SOX6: variants seen among roughly 807,000 people sequenced by gnomAD.
SOX6 encodes the protein SRY-box transcription factor 6.
SOX6 carries 11 observed loss-of-function variants against 97.8 expected under a neutral mutation model. The ratio of observed to expected loss-of-function variants is 0.11; its 90% CI spans 0.07 to 0.19. SOX6 has a LOEUF of 0.19. SOX6 is among the 10% of genes least tolerant of loss of function. SOX6 has a pLI of 1.00. For synonymous variants in SOX6, 360 were observed against 371.4 expected (o/e 0.97, Z 0.35); for missense variants, 810 against 1,039.5 (o/e 0.78, Z 3.04).
chr11:16,012,844 G>A (rs543479188), intron 13 of SOX6, among the ~76,000 whole-genome samples: 126 of 152,072 alleles, frequency 8.3e-4, no homozygotes, highest in Admixed American at 1.9e-3. Flanking sequence ...GAGAAAATGT[G>A]GGTAAAAGGC....
At chr11:16,359,112 A>G (rs1338446740), upstream of SOX6, among the ~76,000 whole-genome samples, 2 of 152,134 alleles carry the variant, frequency 1.3e-5, no homozygotes, top group Non-Finnish European at 2.9e-5. Context: ...GCCCAGAAGA[A>G]GGAACAAATA....
intron 4 of SOX6, among the ~76,000 whole-genome samples, chr11:16,483,879 G>A (rs1176913068): frequency 6.6e-6 from 1 of 152,164 alleles, no homozygotes; most frequent in Non-Finnish European, 1.5e-5. Context: ...CTCAGCAAAT[G>A]CATTCTGGTG....
chr11:16,640,265 G>T (rs11024005), intron 3 of SOX6, among the ~76,000 whole-genome samples: 6 of 151,960 alleles, frequency 3.9e-5, no homozygotes, highest in Non-Finnish European at 8.8e-5. Context: ...AAAGCCCACT[G>T]GATCATGGTG....
chr11:16,190,514 G>A (rs1851601003), intron 4 of SOX6, among the ~76,000 whole-genome samples: 1 of 152,212 alleles, frequency 6.6e-6, no homozygotes, highest in Non-Finnish European at 1.5e-5. Context: ...ATCCACAGAT[G>A]ATATGAAGTA....
intron 3 of SOX6, among the ~76,000 whole-genome samples, chr11:16,625,815 C>A (rs1848616026): frequency 6.6e-6 from 1 of 152,206 alleles, no homozygotes; most frequent in Admixed American, 6.5e-5. Flanking sequence ...GCTCCACACC[C>A]TTTCCCTGTG....
chr11:16,479,440 G>GCTGT (rs1860305987), upstream of SOX6, among the ~76,000 whole-genome samples: 1 of 151,544 alleles, frequency 6.6e-6, no homozygotes, highest in Non-Finnish European at 1.5e-5. Flanking sequence ...TGAGACATGA[G>GCTGT]AATCACTTGA....
intron 13 of SOX6, among the ~76,000 whole-genome samples, chr11:16,000,347 C>T (rs1307166836): frequency 6.6e-6 from 1 of 152,130 alleles, no homozygotes; most frequent in Admixed American, 6.5e-5. Context: ...GTAGAGTATG[C>T]TTTGTTCTCT....
chr11:16,484,494 G>A, intron 4 of SOX6: 1 of 809,346 alleles, frequency 1.2e-6, no homozygotes, highest in Non-Finnish European at 2.2e-6. Context: ...AGCTTCTCCT[G>A]AATGGCCACC....
chr11:16,214,800 A>G (rs1385055598), intron 4 of SOX6, among the ~76,000 whole-genome samples: 3 of 135,086 alleles, frequency 2.2e-5, no homozygotes, highest in African/African-American at 8.5e-5. Flanking sequence ...CCCAAGCTGG[A>G]GTGAAGTGGC....
intron 1 of SOX6, among the ~76,000 whole-genome samples, chr11:16,397,272 T>C (rs886644366): frequency 6.6e-6 from 1 of 151,588 alleles, no homozygotes; most frequent in Non-Finnish European, 1.5e-5. Context: ...CTTATGTAAA[T>C]ACTTTTTAGT....
At chr11:16,150,964 T>C (rs1177618183) in intron 6 of SOX6, among the ~76,000 whole-genome samples, 1 of 152,168 alleles carries the variant, frequency 6.6e-6, no homozygotes, top group Non-Finnish European at 1.5e-5. Flanking sequence ...ACTGCTTCTT[T>C]TATTGGGAGG....
chr11:16,714,236 C>T (rs1183003864), intron 3 of SOX6, among the ~76,000 whole-genome samples: 2 of 151,842 alleles, frequency 1.3e-5, no homozygotes, highest in Middle Eastern at 6.8e-3. Flanking sequence ...AAATTATGTA[C>T]AGCATTGTTG....
intron 1 of SOX6, among the ~76,000 whole-genome samples, chr11:16,379,221 C>T (rs1317840788): frequency 6.6e-6 from 1 of 151,974 alleles, no homozygotes; most frequent in Non-Finnish European, 1.5e-5. Flanking sequence ...AATCCCAACA[C>T]TTTGGGAGGC....
At chr11:16,644,063 T>C (rs1239732151) in intron 3 of SOX6, among the ~76,000 whole-genome samples, 1 of 152,106 alleles carries the variant, frequency 6.6e-6, no homozygotes, top group Non-Finnish European at 1.5e-5. Flanking sequence ...ACCACTGACA[T>C]AGGGTCTCAT....
At chr11:16,001,508 T>A (rs139631230) in intron 13 of SOX6, among the ~76,000 whole-genome samples, 167 of 152,272 alleles carry the variant, frequency 1.1e-3, no homozygotes, top group African/African-American at 3.8e-3. Context: ...TTCAGCCTAG[T>A]ACATCACCCC....
intron 2 of SOX6, among the ~76,000 whole-genome samples, chr11:16,324,363 G>A (rs555366940): frequency 2.0e-5 from 3 of 152,070 alleles, no homozygotes; most frequent in Non-Finnish European, 4.4e-5. Context: ...CATACCTATT[G>A]AACATACTGT....
intron 1 of SOX6, among the ~76,000 whole-genome samples, chr11:16,362,768 G>A (rs1857241826): frequency 6.6e-6 from 1 of 152,042 alleles, no homozygotes; most frequent in African/African-American, 2.4e-5. Flanking sequence ...AAAATTTTCT[G>A]GGGAATCAAG....
At chr11:16,077,339 G>A (rs957827881) in intron 9 of SOX6, among the ~76,000 whole-genome samples, 1 of 152,156 alleles carries the variant, frequency 6.6e-6, no homozygotes, top group Non-Finnish European at 1.5e-5. Context: ...ACAGATACTG[G>A]TGTGGTTATA....
intron 1 of SOX6, among the ~76,000 whole-genome samples, chr11:16,410,632 C>T (rs1858786683): frequency 6.6e-6 from 1 of 151,604 alleles, no homozygotes; most frequent in Non-Finnish European, 1.5e-5. Flanking sequence ...GTGGTGTGCG[C>T]CTCTAATCCC....
Sources: allele counts gnomAD v4.1 joint callset (sites outside exome capture counted in the v4.1 genomes callset), GRCh38; gene constraint gnomAD v4.1.1; transcripts MANE v1.5; gene names NCBI Gene and HGNC (gene_info 2026-07-23, HGNC 2026-07-21).